The following MUC13 variants were observed in gnomAD, a reference collection of about 807,000 sequenced individuals.
MUC13 encodes mucin 13, cell surface associated.
Under a neutral mutation model 48.3 loss-of-function variants are expected in MUC13, and 32 were observed. The ratio of observed to expected loss-of-function variants is 0.66; its 90% confidence interval spans 0.50 to 0.89. The LOEUF is 0.89. MUC13 is among the 40% of genes least tolerant of loss of function. The pLI is 0.00. For missense variants in MUC13, 571 were observed against 622.8 expected (o/e 0.92, Z 0.88); for synonymous variants, 199 against 224.9 (o/e 0.88, Z 1.03).
At chr3:124,911,403 A>C (rs1935417488) in intron 9 of MUC13, among the ~76,000 whole-genome samples, 1 of 152,192 alleles carries the variant, frequency 6.6e-6, no homozygotes, top group Admixed American at 6.5e-5. Context: ...ATAGATGTGG[A>C]AATTGAAAGC....
At chr3:124,909,468 T>C (rs997401810) in intron 10 of MUC13, among the ~76,000 whole-genome samples, 11 of 140,762 alleles carry the variant, frequency 7.8e-5, no homozygotes, top group African/African-American at 2.6e-4. Flanking sequence ...CATGCAGAGA[T>C]GACACGTGTG....
At chr3:124,923,112 A>AAC (rs760867458) in intron 3 of MUC13, among the ~76,000 whole-genome samples, 5 of 151,678 alleles carry the variant, frequency 3.3e-5, no homozygotes, top group Middle Eastern at 3.4e-3. Flanking sequence ...GAAAAAAAAA[A>AAC]AAAACAGAAC....
chr3:124,905,740 C>T lies in MUC13; in HGVS notation c.*1003G>A, dbSNP rs1935305565. On this transcript the variant is annotated 3_prime_UTR_variant, in exon 12 of 12. Transcript: ENST00000616727. The stretch of plus-strand genomic sequence containing the variant: ...GGCTGGACGGCTGGACTCCTGAGCA[C>T]AAGCTCCCTCTCGCACCCTTTGCCA... 6.5e-6 allele frequency: 1 copy of T among 153,000 alleles called. No homozygotes were observed. Among genetic ancestry groups the T allele is most frequent in the Non-Finnish European group, 1.5e-5 (1 of 68,074 alleles). The allele number at this position is 153,000 out of a possible 1,614,324, so 9.5% of individuals were successfully genotyped here.
chr3:124,928,727 TA>T (rs1407006064), intron 1 of MUC13, among the ~76,000 whole-genome samples: 7 of 152,204 alleles, frequency 4.6e-5, no homozygotes, highest in African/African-American at 1.7e-4. Flanking sequence ...TAATATTATT[TA>T]TGCCTGTAGT....
intron 4 of MUC13, 151 bp from the exon 5 acceptor site, chr3:124,920,440 T>C (rs2107670865): frequency 3.1e-6 from 2 of 643,194 alleles, no homozygotes; most frequent in East Asian, 2.8e-5. Flanking sequence ...CTTCTTAGGG[T>C]CTGAGCTGGG....
intron 1 of MUC13, among the ~76,000 whole-genome samples, chr3:124,930,008 C>T (rs190745754): frequency 9.8e-5 from 15 of 152,344 alleles, no homozygotes; most frequent in Admixed American, 5.9e-4. Context: ...GGCTGGCTCT[C>T]GCTGTGGAAA....
Position 124,927,978 on chromosome 3 carries a change from T to C in MUC13, c.68A>G (p.Asn23Ser). 6.5e-7 allele frequency: 1 copy of C among 1,549,754 alleles called. No homozygotes were observed. The highest frequency in any genetic ancestry group is 2.3e-5 in the East Asian group (1 of 44,432). The change falls in exon 2 of 12, where the codon AAC becomes AGC. Residue 23 changes from asparagine to serine, a missense_variant. Physicochemically the swap from Asn to Ser is conservative, Grantham distance 46. Transcript: ENST00000616727. ...LSVNTATNQG[N>S]SADAVTTTET... ...TGTGGTTGTTACAGCATCAGCTGAG[T>C]TGCCTTGGTTGGTGGCTGGAGGAAC...
At position 124,912,116 on chromosome 3, in the gene MUC13, C is replaced by T. The variant is rs777698206; in HGVS notation, c.1240G>A (p.Asp414Asn). The T allele has an allele frequency of 1.9e-5, 30 of 1,612,778 alleles. No individual in the cohort carries two copies. The East Asian group carries it at 2.0e-4, about 11-fold the overall frequency. ...CTTTCATACTCACTGTCCTTACAGT[C>T]GAGTCCACTGTAGCCAAATGCACAC... ...QKCAFGYSGL[D>N]CKDKFQLILT... Residue 414 changes from aspartate (D) to asparagine (N), a missense_variant, in exon 9 of 12, where the codon GAC becomes AAC. Transcript: ENST00000616727.
Position 124,931,182 on chromosome 3 carries a change from C to T in MUC13, c.53-3189G>A, listed in dbSNP as rs568230725. 4.5e-4 allele frequency among the ~76,000 whole-genome samples: 69 copies of T among 151,790 alleles called. No homozygotes were observed. In the East Asian group the frequency reaches 7.2e-3, roughly 16 times the overall value. ...GAGCGGTGGCTCATGTCTGTAATCCCGGCACTTCGGGAGGCTGAGGTGGGT... is the reference window on the plus strand; with the variant it reads ...GAGCGGTGGCTCATGTCTGTAATCCTGGCACTTCGGGAGGCTGAGGTGGGT... On this transcript the variant is annotated intron_variant, in intron 1 of 11. Transcript: ENST00000616727.
rs1935402691 is a variant in MUC13, at chr3:124,910,491, G to A, written c.1261C>T (p.Leu421=). The stretch of plus-strand genomic sequence containing the variant: ...ATGGTGCCCACAATAGTGAGGATCA[G>A]CTGAAATTCTGAAAGGAAGAAGAAA... ...SGLDCKDKFQ[L]ILTIVGTIAG... The change falls in exon 10 of 12, where the codon CTG becomes TTG. Residue 421 remains leucine, a synonymous_variant. Transcript: ENST00000616727. 3 of 1,614,068 alleles carry A rather than the reference G, an allele frequency of 1.9e-6. No individual in the cohort carries two copies. In the East Asian group the frequency reaches 6.7e-5, roughly 36 times the overall value.
chr3:124,930,524 A>T (rs1343598414), intron 1 of MUC13, among the ~76,000 whole-genome samples: 2 of 152,214 alleles, frequency 1.3e-5, no homozygotes, highest in East Asian at 1.9e-4. Flanking sequence ...CAATCTATAG[A>T]TAACAGAAAT....
intron 2 of MUC13, among the ~76,000 whole-genome samples, chr3:124,924,950 C>T (rs755558124): frequency 3.3e-5 from 5 of 152,212 alleles, no homozygotes; most frequent in South Asian, 4.2e-4. Context: ...CATACTCTTA[C>T]GAGAAGATCT....
chr3:124,926,518 G>T (rs62267105), intron 2 of MUC13, among the ~76,000 whole-genome samples: 23,809 of 152,126 alleles, frequency 0.16, 2,275 homozygotes, highest in Non-Finnish European at 0.22. Context: ...AGCCTCTGGG[G>T]TCTACTTGCT....
chr3:124,918,652 C>T (rs1935544537), intron 5 of MUC13, among the ~76,000 whole-genome samples: 1 of 152,238 alleles, frequency 6.6e-6, no homozygotes, highest in Non-Finnish European at 1.5e-5. Context: ...GGTTAGAACA[C>T]CTGCCTGGTC....
chr3:124,933,060 C>T (rs541878769), intron 1 of MUC13, among the ~76,000 whole-genome samples: 2 of 152,240 alleles, frequency 1.3e-5, no homozygotes, highest in East Asian at 3.9e-4. Context: ...AGGCTTGGAC[C>T]TAGCATCTGC....
intron 10 of MUC13, among the ~76,000 whole-genome samples, chr3:124,910,125 A>G (rs181435807): frequency 3.3e-5 from 5 of 152,232 alleles, no homozygotes; most frequent in Admixed American, 3.3e-4. Flanking sequence ...TAAGGTAAGG[A>G]AAAAAAGTCA....
intron 11 of MUC13, among the ~76,000 whole-genome samples, chr3:124,907,667 GA>G (rs1935340096): frequency 6.6e-6 from 1 of 151,946 alleles, no homozygotes; most frequent in Non-Finnish European, 1.5e-5. Context: ...TAGAGAGAGA[GA>G]GAGAGAGAGA....
Position 124,923,649 on chromosome 3 carries a change from C to T in MUC13, c.515G>A (p.Gly172Asp). The T allele has an allele frequency of 6.2e-7, 1 of 1,611,246 alleles. No homozygotes were observed. Among genetic ancestry groups the T allele is most frequent in the East Asian group, 2.2e-5 (1 of 44,826 alleles). ...ATCATCTTGGCAAGGATTGCTGGGA[C>T]CTTAGATGGAGTAGAAAGAGATTAG... The part of the protein sequence containing the change: ...LLETSTLNST[G>D]PSNPCQDDPC... Residue 172 changes from glycine (G) to aspartate (D), a missense_variant and splice_region_variant, in exon 3 of 12, where the codon GGT (glycine) becomes GAT (aspartate). Gly to Asp is a moderately conservative substitution (Grantham distance 94). Coordinates refer to ENST00000616727, the MANE Select transcript of MUC13 (RefSeq NM_033049.4).
At chr3:124,921,154 C>CTTT (rs35318002) in intron 4 of MUC13, among the ~76,000 whole-genome samples, 2 of 149,926 alleles carry the variant, frequency 1.3e-5, no homozygotes, top group Non-Finnish European at 1.5e-5. Context: ...TCTCTACTTC[C>CTTT]TTTTTTTTTT....
Sources: gnomAD v4.1 joint callset for allele counts (sites outside exome capture counted in the v4.1 genomes callset) on GRCh38, gnomAD v4.1.1 for gene constraint, MANE v1.5 for transcripts, NCBI Gene and HGNC (gene_info 2026-07-23, HGNC 2026-07-21) for gene names.